Variants in CATSPERB observed in about 807,000 individuals in gnomAD.
CATSPERB encodes cation channel sperm-associated auxiliary subunit beta.
CATSPERB carries 93 observed loss-of-function variants against 128.3 expected under a neutral mutation model. That is an observed-to-expected ratio of 0.72 (90% CI 0.61 to 0.86). The LOEUF (loss-of-function observed/expected upper bound fraction) is 0.86. Among genes scored for constraint, CATSPERB ranks in the 40% least tolerant of loss-of-function variants. CATSPERB has a pLI of 0.00. For missense variants in CATSPERB, 1,153 were observed against 1,329.5 expected (o/e 0.87, Z 2.06); for synonymous variants, 381 against 448.8 (o/e 0.85, Z 1.91).
At chr14:91,582,155 T>C (rs909471683) in intron 26 of CATSPERB, among the ~76,000 whole-genome samples, 1 of 152,200 alleles carries the variant, frequency 6.6e-6, no homozygotes, top group Non-Finnish European at 1.5e-5. Flanking sequence ...CACCAGTCCG[T>C]GTTGACATCC....
chr14:91,678,275 C>T (rs944548412), intron 11 of CATSPERB, among the ~76,000 whole-genome samples: 2 of 152,188 alleles, frequency 1.3e-5, no homozygotes, highest in African/African-American at 4.8e-5. Flanking sequence ...GTAAAGACTG[C>T]TTTAGCCAAA....
intron 7 of CATSPERB, 119 bp from the exon 8 acceptor site, chr14:91,693,598 A>T: frequency 1.5e-6 from 1 of 665,488 alleles, no homozygotes; most frequent in Non-Finnish European, 2.7e-6. Context: ...TCACTTCCCA[A>T]AGCATTGGAA....
intron 2 of CATSPERB, among the ~76,000 whole-genome samples, chr14:91,727,234 C>G (rs960679786): frequency 6.6e-6 from 1 of 152,128 alleles, no homozygotes; most frequent in South Asian, 2.1e-4. Context: ...AGGTAGTGAG[C>G]ACAGTGCCCT....
At chr14:91,631,877 G>T (rs1200341927) in intron 17 of CATSPERB, among the ~76,000 whole-genome samples, 1 of 151,990 alleles carries the variant, frequency 6.6e-6, no homozygotes, top group Non-Finnish European at 1.5e-5. Context: ...AAGTTATTAA[G>T]TAACTTTAGA....
chr14:91,714,286 AAAAAAAG>A (rs200486712), intron 5 of CATSPERB, among the ~76,000 whole-genome samples: 22,436 of 140,034 alleles, frequency 0.16, 1,458 homozygotes, highest in South Asian at 0.31. Context: ...GCAAAAAAAA[AAAAAAAG>A]AAAAAAAGAA....
At chr14:91,682,873 T>C (rs1001496965) in intron 11 of CATSPERB, among the ~76,000 whole-genome samples, 1 of 152,228 alleles carries the variant, frequency 6.6e-6, no homozygotes. Context: ...ATTAGGCAAG[T>C]GGCCTTACAA....
intron 11 of CATSPERB, among the ~76,000 whole-genome samples, chr14:91,675,023 C>T (rs1159262601): frequency 6.6e-6 from 1 of 152,250 alleles, no homozygotes; most frequent in Non-Finnish European, 1.5e-5. Context: ...AGTCACTTTC[C>T]TTTCACTGCA....
chr14:91,584,536 A>G (rs1893264257), intron 26 of CATSPERB, among the ~76,000 whole-genome samples: 1 of 152,144 alleles, frequency 6.6e-6, no homozygotes, highest in Non-Finnish European at 1.5e-5. Flanking sequence ...TCCTGCTGTT[A>G]TCACTTTTCT....
At chr14:91,622,228 G>C (rs541450028) in intron 18 of CATSPERB, among the ~76,000 whole-genome samples, 2 of 150,370 alleles carry the variant, frequency 1.3e-5, no homozygotes, top group Admixed American at 1.3e-4. Flanking sequence ...TTTTACTATG[G>C]AAATACTAAA....
intron 26 of CATSPERB, among the ~76,000 whole-genome samples, chr14:91,586,547 G>GA (rs1893301004): frequency 1.0e-5 from 1 of 98,390 alleles, no homozygotes; most frequent in African/African-American, 4.3e-5. Context: ...GCCGGAACAG[G>GA]AGAGAGAGAG....
chr14:91,621,673 A>G lies in CATSPERB; in HGVS notation c.2195T>C (p.Ile732Thr), dbSNP rs774706231. The change falls in exon 19 of 27, where the codon ATC becomes ACC. Residue 732 changes from isoleucine to threonine, a missense_variant. Ile to Thr is a moderately conservative substitution (Grantham distance 89). Transcript: ENST00000256343. ...GTTTCCCAGATCAATGTATTTCACG[A>G]TGTTGAGGGATGGTGAATCATCATG... is the stretch of plus-strand genomic sequence containing the variant. ...FQHDDSPSLNIVKYIDLGNSY... is the reference protein window; with the variant it reads ...FQHDDSPSLNTVKYIDLGNSY... 6.2e-6 allele frequency: 10 copies of G among 1,613,566 alleles called. No homozygotes were observed. The South Asian group carries it at 8.8e-5, about 14-fold the overall frequency.
At chr14:91,674,109 TC>T (rs1555363196) in intron 12 of CATSPERB, 66 bp downstream of exon 12, 1 of 887,082 alleles carries the variant, frequency 1.1e-6, no homozygotes, top group Non-Finnish European at 1.8e-6. Context: ...TTTAGATTAA[TC>T]CCAATCCATG....
chr14:91,640,371 T>C (rs1271377072), intron 15 of CATSPERB, among the ~76,000 whole-genome samples: 1 of 127,112 alleles, frequency 7.9e-6, no homozygotes, highest in African/African-American at 3.2e-5. Flanking sequence ...ATTAGGTATA[T>C]CTCCCAATGC....
At chr14:91,671,097 T>C (rs929576821) in intron 13 of CATSPERB, among the ~76,000 whole-genome samples, 1 of 152,172 alleles carries the variant, frequency 6.6e-6, no homozygotes, top group Non-Finnish European at 1.5e-5. Context: ...CTTTTGTGTC[T>C]GACTAAAAGC....
intron 5 of CATSPERB, 91 bp from the exon 6 acceptor site, chr14:91,708,327 T>A: frequency 1.3e-6 from 1 of 752,386 alleles, no homozygotes; most frequent in Non-Finnish European, 2.2e-6. Context: ...CCAACAATGA[T>A]AGCCTTTCCT....
intron 22 of CATSPERB, among the ~76,000 whole-genome samples, chr14:91,601,454 T>C (rs1893606063): frequency 6.6e-6 from 1 of 152,180 alleles, no homozygotes; most frequent in Non-Finnish European, 1.5e-5. Flanking sequence ...TAAGAAGTGA[T>C]CTTTATGGCA....
intron 2 of CATSPERB, among the ~76,000 whole-genome samples, chr14:91,729,096 T>C (rs1896167241): frequency 6.6e-6 from 1 of 152,152 alleles, no homozygotes; most frequent in Admixed American, 6.5e-5. Context: ...TCTCAGCACT[T>C]TGGGAGGCTG....
chr14:91,651,053 C>G (rs961347029), intron 15 of CATSPERB, among the ~76,000 whole-genome samples: 20 of 152,102 alleles, frequency 1.3e-4, no homozygotes, highest in African/African-American at 4.8e-4. Context: ...TTGGCCATTC[C>G]TCCAGATCCA....
intron 11 of CATSPERB, among the ~76,000 whole-genome samples, chr14:91,676,893 T>C (rs1895200473): frequency 6.6e-6 from 1 of 152,164 alleles, no homozygotes; most frequent in East Asian, 1.9e-4. Flanking sequence ...CAATGGAACA[T>C]AACAGAGACT....
Sources: allele counts gnomAD v4.1 joint callset (sites outside exome capture counted in the v4.1 genomes callset), GRCh38; gene constraint gnomAD v4.1.1; transcripts MANE v1.5; gene names NCBI Gene and HGNC (gene_info 2026-07-23, HGNC 2026-07-21).